The following NRXN1 variants were observed in gnomAD, a reference collection of about 807,000 sequenced individuals.
NRXN1 encodes neurexin-1.
NRXN1 carries 39 observed loss-of-function variants against 150.9 expected under a neutral mutation model. The observed-to-expected ratio is 0.26, with a 90% CI of 0.20 to 0.34. The LOEUF (loss-of-function observed/expected upper bound fraction) is 0.34, where lower values mean the gene tolerates loss of function less well. Ranked by LOEUF, NRXN1 falls within the 10% of genes least tolerant of loss-of-function variation. NRXN1 has a pLI of 1.00. For synonymous variants in NRXN1, 924 were observed against 757.0 expected (o/e 1.22, Z -3.62); for missense variants, 1,815 against 1,949.9 (o/e 0.93, Z 1.30).
intron 2 of NRXN1, among the ~76,000 whole-genome samples, chr2:50,980,181 T>A (rs969183793): frequency 6.6e-6 from 1 of 152,148 alleles, no homozygotes; most frequent in Non-Finnish European, 1.5e-5. Flanking sequence ...CTTAGCTCAC[T>A]GCAACCTCCA....
chr2:50,670,076 T>C (rs1173203729), intron 5 of NRXN1, among the ~76,000 whole-genome samples: 1 of 151,862 alleles, frequency 6.6e-6, no homozygotes, highest in Admixed American at 6.6e-5. Flanking sequence ...CTGTATTCAA[T>C]TATTTTTAAT....
intron 2 of NRXN1, among the ~76,000 whole-genome samples, chr2:51,026,746 T>C (rs537998834): frequency 1.1e-3 from 167 of 152,326 alleles, no homozygotes; most frequent in African/African-American, 4.0e-3. Context: ...ATCTCTAACA[T>C]TTTTAAACGT....
At chr2:50,151,142 G>C (rs922899917) in intron 18 of NRXN1, among the ~76,000 whole-genome samples, 2 of 151,692 alleles carry the variant, frequency 1.3e-5, no homozygotes, top group Non-Finnish European at 2.9e-5. Context: ...AGGAAAACCA[G>C]ATTGATTTCT....
intron 21 of NRXN1, among the ~76,000 whole-genome samples, chr2:49,995,675 G>C (rs979917800): frequency 1.3e-5 from 2 of 150,624 alleles, no homozygotes; most frequent in East Asian, 3.9e-4. Context: ...CAGCTACTCG[G>C]GAGGCTGAGG....
At chr2:50,958,774 G>C (rs1692680414) in intron 2 of NRXN1, among the ~76,000 whole-genome samples, 1 of 152,034 alleles carries the variant, frequency 6.6e-6, no homozygotes, top group African/African-American at 2.4e-5. Context: ...TCTTGTTTCT[G>C]ATTTAACGGG....
chr2:50,454,696 A>C (rs2087354575), intron 17 of NRXN1, among the ~76,000 whole-genome samples: 1 of 151,790 alleles, frequency 6.6e-6, no homozygotes, highest in African/African-American at 2.4e-5. Flanking sequence ...ACACACACAC[A>C]CACACACAGT....
intron 15 of NRXN1, among the ~76,000 whole-genome samples, chr2:50,480,320 A>C (rs1312752647): frequency 1.3e-5 from 2 of 152,162 alleles, no homozygotes; most frequent in Non-Finnish European, 2.9e-5. Flanking sequence ...TTCTCCAATT[A>C]AAATATGTAC....
chr2:50,546,680 AAT>A (rs2093501359), intron 9 of NRXN1, among the ~76,000 whole-genome samples: 1 of 152,176 alleles, frequency 6.6e-6, no homozygotes. Context: ...AGAATAAATA[AAT>A]ATAAACATTT....
intron 21 of NRXN1, among the ~76,000 whole-genome samples, chr2:49,988,350 C>G (rs770283213): frequency 1.3e-4 from 19 of 151,526 alleles, no homozygotes; most frequent in Non-Finnish European, 2.8e-4. Context: ...AAAGAAGACT[C>G]TTTCCTGCTA....
chr2:50,529,993 T>C (rs555960364), intron 11 of NRXN1, among the ~76,000 whole-genome samples: 94 of 152,328 alleles, frequency 6.2e-4, no homozygotes, highest in Non-Finnish European at 1.2e-3. Context: ...TTTGAAAATG[T>C]AGGTGGGGTT....
At chr2:50,408,837 A>ATCTGTCTC (rs2082937187) in intron 17 of NRXN1, among the ~76,000 whole-genome samples, 1 of 136,534 alleles carries the variant, frequency 7.3e-6, no homozygotes. Context: ...ATCAATCTCA[A>ATCTGTCTC]TCTCTCTCTC....
chr2:50,379,644 A>G (rs2080804605), intron 17 of NRXN1, among the ~76,000 whole-genome samples: 1 of 152,122 alleles, frequency 6.6e-6, no homozygotes, highest in Admixed American at 6.6e-5. Flanking sequence ...TTTAGTTCAT[A>G]TGCTTTTCTG....
chr2:50,822,897 A>T (rs2105836554), intron 5 of NRXN1, among the ~76,000 whole-genome samples: 1 of 152,320 alleles, frequency 6.6e-6, no homozygotes, highest in Admixed American at 6.5e-5. Flanking sequence ...GTTATTGTTT[A>T]TACATTGTAA....
intron 18 of NRXN1, among the ~76,000 whole-genome samples, chr2:50,215,299 C>T (rs1221215518): frequency 6.6e-6 from 1 of 151,792 alleles, no homozygotes; most frequent in Non-Finnish European, 1.5e-5. Flanking sequence ...CTTATTACAC[C>T]CCTGGGGCAC....
At chr2:50,741,915 G>C (rs1439226291) in intron 5 of NRXN1, among the ~76,000 whole-genome samples, 6 of 152,030 alleles carry the variant, frequency 3.9e-5, no homozygotes, top group African/African-American at 1.4e-4. Context: ...CTGAGAACTG[G>C]GAGTCTACAT....
At chr2:50,589,973 A>AT (rs1381123009) in intron 8 of NRXN1, among the ~76,000 whole-genome samples, 5 of 152,176 alleles carry the variant, frequency 3.3e-5, no homozygotes, top group Non-Finnish European at 7.3e-5. Context: ...AATACAGCAG[A>AT]TTTTTCATAA....
At chr2:50,097,453 G>C (rs918232050) in intron 18 of NRXN1, among the ~76,000 whole-genome samples, 1 of 152,138 alleles carries the variant, frequency 6.6e-6, no homozygotes, top group Non-Finnish European at 1.5e-5. Context: ...AGAGTTGGGT[G>C]AATGGAATGT....
intron 2 of NRXN1, among the ~76,000 whole-genome samples, chr2:50,985,046 T>G (rs1221545784): frequency 6.6e-6 from 1 of 152,014 alleles, no homozygotes; most frequent in Non-Finnish European, 1.5e-5. Flanking sequence ...GAATATATAC[T>G]TTTTAAGATC....
Position 49,984,393 on chromosome 2 carries a change from G to A in NRXN1, c.4129-40602C>T, listed in dbSNP as rs369510329. Among the ~76,000 whole-genome samples the A allele has an allele frequency of 4.2e-4, 64 of 152,156 alleles. 2 individuals are homozygous for A. The highest frequency in any genetic ancestry group is 4.1e-4 in the African/African-American group (17 of 41,532). ...TCAAACTGAGAAAATGAGATCTGAC[G>A]TCGTATAAACTAAACAGGTGTTTTA... On this transcript the variant is annotated intron_variant, in intron 21 of 22. Transcript: ENST00000401669.
Sources: gnomAD v4.1 joint callset for allele counts (sites outside exome capture counted in the v4.1 genomes callset) on GRCh38, gnomAD v4.1.1 for gene constraint, MANE v1.5 for transcripts, NCBI Gene and HGNC (gene_info 2026-07-23, HGNC 2026-07-21) for gene names.